The following TANGO6 variants were observed in gnomAD, a reference collection of about 807,000 sequenced individuals.
TANGO6 encodes transport and Golgi organization protein 6 homolog.
In TANGO6, 90 loss-of-function variants were observed where a neutral mutation model predicts 114.2. That is an observed-to-expected ratio of 0.79 (90% CI 0.66 to 0.94). TANGO6 has a LOEUF of 0.94. Among genes scored for constraint, TANGO6 ranks in the 40% least tolerant of loss-of-function variants. The pLI is 0.00. For synonymous variants in TANGO6, 477 were observed against 509.8 expected, an observed-to-expected ratio of 0.94 and a Z score of 0.87; for missense variants, 1,274 against 1,315.3, an observed-to-expected ratio of 0.97 and a Z score of 0.49.
intron 9 of TANGO6, among the ~76,000 whole-genome samples, chr16:68,906,292 T>G (rs191218330): frequency 2.6e-5 from 4 of 152,334 alleles, no homozygotes; most frequent in Admixed American, 2.6e-4. Flanking sequence ...TTTCTGAACC[T>G]TTATGCATTT....
chr16:69,065,407 A>G (rs1234585188), intron 17 of TANGO6, among the ~76,000 whole-genome samples: 3 of 152,168 alleles, frequency 2.0e-5, no homozygotes, highest in Admixed American at 6.5e-5. Context: ...TTTGTCCCTA[A>G]ACAACCTAAA....
chr16:68,847,409 T>C (rs1961829747), intron 1 of TANGO6, among the ~76,000 whole-genome samples: 1 of 152,180 alleles, frequency 6.6e-6, no homozygotes, highest in African/African-American at 2.4e-5. Flanking sequence ...ATGCCTCCAA[T>C]TTATTTCCAA....
intron 16 of TANGO6, among the ~76,000 whole-genome samples, chr16:69,036,994 G>A (rs1959699249): frequency 6.6e-6 from 1 of 151,518 alleles, no homozygotes; most frequent in African/African-American, 2.4e-5. Flanking sequence ...AAGAAGGCTG[G>A]GCATGGTGGT....
At position 69,004,168 on chromosome 16, in the gene TANGO6, C is replaced by T. The variant is rs117855533; in HGVS notation, c.2843-18660C>T. 1.6e-4 allele frequency among the ~76,000 whole-genome samples: 24 copies of T among 152,174 alleles called. No homozygotes were observed. In the East Asian group the frequency reaches 4.4e-3, roughly 28 times the overall value. The stretch of plus-strand genomic sequence containing the variant: ...TACTTAATTTATGAGTGCTCTTTTA[C>T]TTATAAGTCAATTTGTTACCCTGTA... On this transcript the variant is annotated intron_variant, in intron 15 of 17. Transcript: ENST00000261778.
intron 17 of TANGO6, among the ~76,000 whole-genome samples, chr16:69,070,262 G>A (rs1390699313): frequency 6.6e-6 from 1 of 151,956 alleles, no homozygotes; most frequent in Admixed American, 6.6e-5. Context: ...CTACTCCATA[G>A]ACAGAGTAGG....
intron 15 of TANGO6, among the ~76,000 whole-genome samples, chr16:69,021,235 C>T (rs550417693): frequency 6.6e-6 from 1 of 152,230 alleles, no homozygotes; most frequent in East Asian, 1.9e-4. Context: ...CTAGCCTCAT[C>T]TAGGGCTTCC....
chr16:68,944,455 C>T (rs1241048547), intron 14 of TANGO6, among the ~76,000 whole-genome samples: 2 of 152,152 alleles, frequency 1.3e-5, no homozygotes, highest in Non-Finnish European at 1.5e-5. Flanking sequence ...TCAGACCTCA[C>T]AGCTGAGGTC....
chr16:69,028,773 G>A (rs1361670943), intron 16 of TANGO6, among the ~76,000 whole-genome samples: 2 of 144,106 alleles, frequency 1.4e-5, no homozygotes. Context: ...GGCTGGTCTC[G>A]AACTCCTGGG....
intron 15 of TANGO6, among the ~76,000 whole-genome samples, chr16:69,020,710 G>A (rs1959385720): frequency 6.6e-6 from 1 of 151,978 alleles, no homozygotes; most frequent in South Asian, 2.1e-4. Context: ...GACCAGCCTG[G>A]GCAACATAGT....
At chr16:68,909,922 T>C (rs562887772) in intron 11 of TANGO6, among the ~76,000 whole-genome samples, 2 of 152,324 alleles carry the variant, frequency 1.3e-5, no homozygotes, top group African/African-American at 4.8e-5. Context: ...ACAGCTTATC[T>C]CCACAACATT....
chr16:68,983,849 C>T (rs921165480), intron 15 of TANGO6, among the ~76,000 whole-genome samples: 1 of 151,914 alleles, frequency 6.6e-6, no homozygotes, highest in Non-Finnish European at 1.5e-5. Flanking sequence ...CTGGCTAACA[C>T]GGTGAAACCC....
At chr16:68,935,697 C>G (rs756439726) in intron 14 of TANGO6, among the ~76,000 whole-genome samples, 4 of 152,178 alleles carry the variant, frequency 2.6e-5, no homozygotes, top group Non-Finnish European at 5.9e-5. Context: ...AGATAGAGAA[C>G]TTAATCTTAC....
intron 7 of TANGO6, among the ~76,000 whole-genome samples, chr16:68,893,092 C>T (rs913911732): frequency 6.6e-6 from 1 of 152,176 alleles, no homozygotes; most frequent in Non-Finnish European, 1.5e-5. Flanking sequence ...CATCTGGTCA[C>T]ATTGAAACTT....
At chr16:68,977,900 G>A (rs1471949673) in intron 15 of TANGO6, among the ~76,000 whole-genome samples, 2 of 151,872 alleles carry the variant, frequency 1.3e-5, no homozygotes, top group Non-Finnish European at 2.9e-5. Flanking sequence ...TGGACAGGCC[G>A]GTCTCGAACT....
chr16:68,907,549 G>A lies in TANGO6; in HGVS notation c.1774G>A (p.Gly592Arg). 3 of 1,613,586 alleles carry A rather than the reference G, an allele frequency of 1.9e-6. No individual in the cohort carries two copies. Residue 592 changes from glycine to arginine, a missense_variant, in exon 10 of 18, where the codon GGA becomes AGA. Physicochemically the swap from Gly to Arg is moderately radical, Grantham distance 125 (BLOSUM62 -2). This residue lies in a region of TANGO6 where 908 missense variants were observed against 910.2 expected (regional missense o/e 1.00). Coordinates refer to ENST00000261778, the MANE Select transcript of TANGO6 (RefSeq NM_024562.2). ...CCACTGCCAGGAATGCGGTTTGGCA[G>A]GAGACTTCTTCATCTTCTGTTTGAA... ...LSHCQECGLA[G>R]DFFIFCLKEL... is the part of the protein sequence containing the mutation.
At chr16:68,881,184 T>G (rs1962456726) in intron 7 of TANGO6, among the ~76,000 whole-genome samples, 1 of 152,236 alleles carries the variant, frequency 6.6e-6, no homozygotes, top group Non-Finnish European at 1.5e-5. Context: ...TTTCTCTAAC[T>G]GGCAAATGCC....
At chr16:68,883,541 A>G (rs1962494373) in intron 7 of TANGO6, among the ~76,000 whole-genome samples, 1 of 152,192 alleles carries the variant, frequency 6.6e-6, no homozygotes, top group Non-Finnish European at 1.5e-5. Context: ...TCTATTCATC[A>G]GTAAATGGAC....
chr16:68,943,595 T>C (rs577079835), intron 14 of TANGO6, among the ~76,000 whole-genome samples: 1 of 151,812 alleles, frequency 6.6e-6, no homozygotes, highest in Admixed American at 6.6e-5. Context: ...TCAATCTCCT[T>C]ACCTCGTGAT....
chr16:69,067,604 G>A (rs1239010226), intron 17 of TANGO6, among the ~76,000 whole-genome samples: 1 of 151,548 alleles, frequency 6.6e-6, no homozygotes, highest in Non-Finnish European at 1.5e-5. Context: ...CGGATCATGA[G>A]GTCAGGAGTT....
Sources: gnomAD v4.1 joint callset for allele counts (sites outside exome capture counted in the v4.1 genomes callset) on GRCh38, gnomAD v4.1.1 for gene constraint, gnomAD v4.1.1 regional missense constraint, MANE v1.5 for transcripts, NCBI Gene and HGNC (gene_info 2026-07-23, HGNC 2026-07-21) for gene names.